Variants in ARMCX4 observed in about 807,000 individuals in gnomAD.
ARMCX4 encodes armadillo repeat containing X-linked 4.
In ARMCX4, 3 loss-of-function variants were observed where a neutral mutation model predicts 34.7. The ratio of observed to expected loss-of-function variants is 0.09; its 90% CI spans 0.04 to 0.22. The LOEUF is 0.22. Ranked by LOEUF, ARMCX4 falls within the 10% of genes least tolerant of loss-of-function variation. The pLI is 1.00. For synonymous variants in ARMCX4, 513 were observed against 632.8 expected (o/e 0.81, Z 2.84); for missense variants, 1,448 against 1,720.8 (o/e 0.84, Z 2.81).
intron 11 of ARMCX4, among the ~76,000 whole-genome samples, chrX:101,528,084 A>T (rs996782486): frequency 6.2e-5 from 7 of 112,029 alleles, no homozygotes; most frequent in Middle Eastern, 9.2e-3. Context: ...AATATCCTCA[A>T]TAAAATACTG....
intron 2 of ARMCX4, among the ~76,000 whole-genome samples, chrX:101,422,523 A>G (rs1437644386): frequency 9.0e-6 from 1 of 110,976 alleles, no homozygotes; most frequent in Non-Finnish European, 1.9e-5. Flanking sequence ...TCTGAAAAGT[A>G]TCTCAGGCAC....
chrX:101,519,431 T>C (rs1320634719), intron 11 of ARMCX4, among the ~76,000 whole-genome samples: 1 of 111,714 alleles, frequency 9.0e-6, no homozygotes, highest in Non-Finnish European at 1.9e-5. Context: ...TGCCCTTCTG[T>C]GACTGGCTTA....
intron 2 of ARMCX4, among the ~76,000 whole-genome samples, chrX:101,425,861 C>A (rs1555990911): frequency 9.0e-6 from 1 of 111,083 alleles, no homozygotes; most frequent in African/African-American, 3.3e-5. Context: ...CACGCTGTTG[C>A]CCAGGCTGGA....
chrX:101,515,414 TCTTCCTTCCTTCCTTCCTTC>T (rs1159233873), intron 11 of ARMCX4, among the ~76,000 whole-genome samples: 18 of 12,320 alleles, frequency 1.5e-3, no homozygotes, highest in South Asian at 6.8e-3. Context: ...TCCCTCCCTC[TCTTCCTTCCTTCCTTCCTTC>T]CTTCCTTCCT....
In ARMCX4 at chrX:101,489,273, T is replaced by C; in HGVS notation, c.684T>C (p.Thr228=). Residue 228 remains threonine (T), a synonymous_variant, in exon 6 of 6, where the codon ACT becomes ACC. Transcript: ENST00000423738. ...CCAAGATGGGGGCCACGAACAAGAC[T>C]GGAATTGTGGATGAAACCAAGACAA... is the stretch of plus-strand genomic sequence containing the variant. ...EVAKMGATNK[T]GIVDETKTRA... is the part of the protein sequence containing the mutation. The C allele has an allele frequency of 1.7e-6, 2 of 1,155,647 alleles. No homozygotes were observed. Among genetic ancestry groups the C allele is most frequent in the Non-Finnish European group, 1.1e-6 (1 of 872,820 alleles).
At position 101,489,985 on chromosome X, in the gene ARMCX4, A is replaced by G. The variant is rs1432822717; in HGVS notation, c.1396A>G (p.Thr466Ala). The G allele has an allele frequency of 6.1e-6, 7 of 1,152,297 alleles. No individual in the cohort carries two copies. The African/African-American group carries it at 1.1e-4, about 18-fold the overall frequency. The allele number at this position is 1,152,297 out of a possible 1,213,427, so 95.0% of individuals were successfully genotyped here. ...TGTTATGGCTAAGGTGGGGGATGGGACAGACATGTTGTCCTGTACACAGCC... is the reference window on the plus strand; with the variant it reads ...TGTTATGGCTAAGGTGGGGGATGGGGCAGACATGTTGTCCTGTACACAGCC... ...PNVMAKVGDG[T>A]DMLSCTQPQL... The change falls in exon 6 of 6, where the codon ACA (threonine) becomes GCA (alanine). Residue 466 changes from threonine to alanine, a missense_variant. By Grantham distance (58) the Thr-to-Ala change is moderately conservative. Coordinates refer to ENST00000423738, the MANE Select transcript of ARMCX4 (RefSeq NM_001256155.3).
intron 2 of ARMCX4, among the ~76,000 whole-genome samples, chrX:101,432,087 T>C (rs1347675782): frequency 8.9e-6 from 1 of 112,533 alleles, no homozygotes; most frequent in African/African-American, 3.2e-5. Flanking sequence ...ATTGACATTA[T>C]AACATACGCA....
chrX:101,437,743 G>T (rs1338237226), intron 2 of ARMCX4, among the ~76,000 whole-genome samples: 1 of 111,693 alleles, frequency 9.0e-6, no homozygotes, highest in Non-Finnish European at 1.9e-5. Flanking sequence ...ATGTTAGGGT[G>T]TCAATTTTAG....
At chrX:101,532,088 C>CA (rs1464705003) in intron 12 of ARMCX4, 7 of 111,774 alleles carry the variant, frequency 6.3e-5, no homozygotes, top group African/African-American at 2.3e-4. Flanking sequence ...TTGCCTTACA[C>CA]AAAAATAAAT....
chrX:101,468,620 T>C (rs1234856513), intron 4 of ARMCX4, among the ~76,000 whole-genome samples: 1 of 109,697 alleles, frequency 9.1e-6, no homozygotes, highest in Non-Finnish European at 1.9e-5. Flanking sequence ...TCTTTTCTTT[T>C]CTTTTTTTTT....
chrX:101,523,581 A>C (rs1241490933), intron 11 of ARMCX4, among the ~76,000 whole-genome samples: 5 of 111,994 alleles, frequency 4.5e-5, no homozygotes, highest in Non-Finnish European at 7.5e-5. Context: ...CCAGAGTTGC[A>C]CATGTTGGGG....
intron 4 of ARMCX4, among the ~76,000 whole-genome samples, chrX:101,467,213 G>C (rs974725780): frequency 6.5e-4 from 73 of 112,082 alleles, no homozygotes; most frequent in African/African-American, 2.2e-3. Context: ...GCTATGGTGT[G>C]ATCTGGGCTC....
At chrX:101,429,079 C>T (rs1301965167) in intron 2 of ARMCX4, among the ~76,000 whole-genome samples, 26 of 109,223 alleles carry the variant, frequency 2.4e-4, no homozygotes, top group African/African-American at 4.3e-4. Context: ...AGACTGGTCT[C>T]GAACTCCTGG....
intron 11 of ARMCX4, among the ~76,000 whole-genome samples, chrX:101,528,704 G>C (rs1385747613): frequency 9.0e-6 from 1 of 111,030 alleles, no homozygotes; most frequent in Non-Finnish European, 1.9e-5. Context: ...CAAACAGAGA[G>C]CCAAATCATG....
intron 2 of ARMCX4, among the ~76,000 whole-genome samples, chrX:101,437,452 T>C (rs1555995261): frequency 8.9e-6 from 1 of 112,271 alleles, no homozygotes; most frequent in Non-Finnish European, 1.9e-5. Flanking sequence ...TATAGTATTC[T>C]ATGCTGGTAA....
chrX:101,499,844 C>T (rs1039018126), downstream of ARMCX4, among the ~76,000 whole-genome samples: 7 of 111,764 alleles, frequency 6.3e-5, no homozygotes, highest in Non-Finnish European at 9.4e-5. Context: ...GCACTCTATA[C>T]AATCAAAAGA....
chrX:101,421,944 A>AGTT (rs1929291719), intron 2 of ARMCX4, among the ~76,000 whole-genome samples: 2 of 108,832 alleles, frequency 1.8e-5, no homozygotes, highest in African/African-American at 6.7e-5. Context: ...AGGAGACCAG[A>AGTT]GTTTTGTTAT....
intron 2 of ARMCX4, among the ~76,000 whole-genome samples, chrX:101,442,907 C>A (rs182253416): frequency 1.8e-5 from 2 of 110,508 alleles, no homozygotes; most frequent in African/African-American, 6.6e-5. Flanking sequence ...CTGAGGCGGG[C>A]GGATCACGAG....
In ARMCX4 at chrX:101,431,547, G is replaced by C. The variant is rs181319426; in HGVS notation, n.165-12505G>C. Among the ~76,000 whole-genome samples the C allele has an allele frequency of 2.8e-5, 3 of 107,946 alleles. No individual in the cohort carries two copies. The Admixed American group carries it at 3.0e-4, about 11-fold the overall frequency. 93.7% of individuals were successfully genotyped at this position (107,946 alleles called of 115,157 possible). A position where few individuals can be genotyped will look rare whatever the true frequency, so the allele number is the denominator to read the frequency against. On this transcript the variant is annotated intron_variant and non_coding_transcript_variant, in intron 2 of 3. Transcript: ENST00000430461. ...GGTATTACAAAAGTTTATGCACCACGTTTCTTTTTTTTTTGAGACAGAGTC... is the reference window on the plus strand; with the variant it reads ...GGTATTACAAAAGTTTATGCACCACCTTTCTTTTTTTTTTGAGACAGAGTC...
Sources: allele counts gnomAD v4.1 joint callset (sites outside exome capture counted in the v4.1 genomes callset), GRCh38; gene constraint gnomAD v4.1.1; transcripts MANE v1.5; gene names NCBI Gene and HGNC (gene_info 2026-07-23, HGNC 2026-07-21).